Variants in DPP8 observed in about 807,000 individuals in gnomAD.
DPP8 encodes dipeptidyl peptidase 8.
DPP8 carries 31 observed loss-of-function variants against 107.5 expected under a neutral mutation model. That is an observed-to-expected ratio of 0.29 (90% confidence interval 0.22 to 0.39). DPP8 has a LOEUF of 0.39. Ranked by LOEUF, DPP8 falls within the 10% of genes least tolerant of loss-of-function variation. The pLI, the probability that DPP8 is intolerant of heterozygous loss-of-function variation, is 1.00. For synonymous variants in DPP8, 381 were observed against 356.6 expected, an observed-to-expected ratio of 1.07 and a Z score of -0.77; for missense variants, 842 against 1,076.1, an observed-to-expected ratio of 0.78 and a Z score of 3.04.
chr15:65,489,928 A>G (rs183608918), intron 6 of DPP8, among the ~76,000 whole-genome samples: 91 of 152,096 alleles, frequency 6.0e-4, no homozygotes, highest in African/African-American at 2.0e-3. Context: ...CATGTTAGCC[A>G]GGCTGGTCTC....
intron 12 of DPP8, 61 bp from the exon 13 acceptor site, chr15:65,467,284 C>G (rs2065445103): frequency 6.5e-7 from 1 of 1,549,852 alleles, no homozygotes; most frequent in Non-Finnish European, 8.9e-7. Flanking sequence ...AGCTAACCCC[C>G]AATTTTATTT....
intron 14 of DPP8, among the ~76,000 whole-genome samples, chr15:65,464,238 C>G (rs1028031594): frequency 1.3e-5 from 2 of 152,270 alleles, no homozygotes; most frequent in African/African-American, 4.8e-5. Flanking sequence ...TGGCAGGCGC[C>G]TGTAGCCCCA....
At chr15:65,481,763 A>C (rs2066947051) in intron 8 of DPP8, 148 bp from the exon 9 acceptor site, 2 of 505,748 alleles carry the variant, frequency 4.0e-6, no homozygotes, top group Admixed American at 8.5e-5. Flanking sequence ...GCAAATCTAG[A>C]AGTAAATTCT....
At chr15:65,491,167 A>C (rs2067996402) in intron 5 of DPP8, among the ~76,000 whole-genome samples, 1 of 151,642 alleles carries the variant, frequency 6.6e-6, no homozygotes, top group Non-Finnish European at 1.5e-5. Context: ...TCTCAAAAAA[A>C]AAAAAAAAAA....
chr15:65,475,398 G>C, intron 11 of DPP8: 1 of 1,557,212 alleles, frequency 6.4e-7, no homozygotes, highest in Non-Finnish European at 8.8e-7. Context: ...GCCACTGTGA[G>C]GGGTACAGCT....
rs1269330803 is a variant in DPP8 at position 65,444,472 on chromosome 15, G to A, written c.*2412C>T. 6.6e-6 allele frequency: 1 copy of A among 152,170 alleles called. No individual in the cohort carries two copies. The highest frequency in any genetic ancestry group is 2.4e-5 in the African/African-American group (1 of 41,440). The allele number at this position is 152,170 out of a possible 1,614,324, so 9.4% of individuals were successfully genotyped here. On this transcript the variant is annotated 3_prime_UTR_variant, in exon 20 of 20. Transcript: ENST00000300141. ...CCGTTTAAGCTGTTACCCATACTCA[G>A]GGGGTACAAACTTTTAGTGAGATTT...
intron 3 of DPP8, among the ~76,000 whole-genome samples, chr15:65,503,049 T>G (rs1268101495): frequency 6.6e-6 from 1 of 152,126 alleles, no homozygotes; most frequent in Non-Finnish European, 1.5e-5. Flanking sequence ...CCTAGTAATA[T>G]TCATACAGAA....
intron 3 of DPP8, among the ~76,000 whole-genome samples, chr15:65,501,917 T>C (rs919703263): frequency 2.1e-4 from 32 of 152,220 alleles, no homozygotes; most frequent in Non-Finnish European, 4.0e-4. Context: ...GAGACAAAAC[T>C]CTCACTCTGT....
rs1477515630 is a variant in DPP8, at chr15:65,481,538, A to G, written c.1095T>C (p.Ala365=). 1.9e-6 allele frequency: 3 copies of G among 1,587,686 alleles called. No individual in the cohort carries two copies. Among genetic ancestry groups the G allele is most frequent in the South Asian group, 2.3e-5 (2 of 85,960 alleles). ...LFEGVEYIAR[A]GWTPEGKYAW... is the part of the protein sequence containing the mutation. ...ACTATTTTCCCTCAGGAGTCCATCC[A>G]GCTCTGGCAATATATTCAACTCCTT... The change falls in exon 9 of 20, where the codon GCT becomes GCC. Residue 365 remains alanine, a synonymous_variant. Transcript: ENST00000300141.
rs545807406 is a variant in DPP8, at chr15:65,490,925, C to T, written c.716-626G>A. On this transcript the variant is annotated intron_variant, in intron 5 of 19. Transcript: ENST00000300141. ...CTGTAATCCCAGCACTTTGGGAGGC[C>T]GAGGAGGACAGATCACAAGGTCAGG... 5.3e-5 allele frequency among the ~76,000 whole-genome samples: 8 copies of T among 151,936 alleles called. No individual in the cohort carries two copies. The East Asian group carries it at 1.5e-3, about 29-fold the overall frequency.
chr15:65,498,151 G>A (rs2068794970), intron 4 of DPP8, 119 bp from the exon 5 acceptor site: 2 of 731,086 alleles, frequency 2.7e-6, no homozygotes, highest in Non-Finnish European at 4.0e-6. Context: ...GCCGGGCGTG[G>A]TGACTTACGC....
At chr15:65,479,208 T>C (rs1443482870) in intron 10 of DPP8, among the ~76,000 whole-genome samples, 169 bp from the exon 11 acceptor site, 1 of 152,226 alleles carries the variant, frequency 6.6e-6, no homozygotes, top group African/African-American at 2.4e-5. Flanking sequence ...CTTTCAGATT[T>C]ATTTTACTTT....
At chr15:65,516,131 C>A (rs1035712847) in intron 1 of DPP8, 1 of 239,150 alleles carries the variant, frequency 4.2e-6, no homozygotes, top group Non-Finnish European at 7.9e-6. Context: ...TCATCAAAAA[C>A]GGCATATGAT....
chr15:65,450,348 C>T (rs1220033903), intron 19 of DPP8, among the ~76,000 whole-genome samples: 1 of 152,094 alleles, frequency 6.6e-6, no homozygotes, highest in Non-Finnish European at 1.5e-5. Flanking sequence ...ATATAATTGA[C>T]ATAAACAAAG....
chr15:65,470,288 CTT>C (rs1000008225), intron 12 of DPP8, among the ~76,000 whole-genome samples: 1 of 146,616 alleles, frequency 6.8e-6, no homozygotes, highest in Non-Finnish European at 1.5e-5. Context: ...AAAAAGGTAA[CTT>C]AAGTCAAAAA....
chr15:65,477,428 T>C (rs934964680), intron 11 of DPP8, among the ~76,000 whole-genome samples: 1 of 151,686 alleles, frequency 6.6e-6, no homozygotes, highest in African/African-American at 2.4e-5. Context: ...ATTTAAAAAA[T>C]GTATATATAT....
At chr15:65,484,327 A>G (rs1427160438) in intron 8 of DPP8, among the ~76,000 whole-genome samples, 1 of 147,126 alleles carries the variant, frequency 6.8e-6, no homozygotes, top group African/African-American at 2.5e-5. Context: ...CTCTGTCTCA[A>G]AAAAAAAAAA....
chr15:65,488,400 A>G (rs1271998737), intron 6 of DPP8, among the ~76,000 whole-genome samples: 1 of 151,942 alleles, frequency 6.6e-6, no homozygotes, highest in East Asian at 1.9e-4. Flanking sequence ...AAAATACAAC[A>G]CACAAACCAC....
intron 15 of DPP8, chr15:65,459,612 G>T (rs1220326022): frequency 6.6e-6 from 1 of 152,052 alleles, no homozygotes; most frequent in African/African-American, 2.4e-5. Flanking sequence ...TGACTGTTCG[G>T]TAAGTGCAAA....
Sources: allele counts gnomAD v4.1 joint callset (sites outside exome capture counted in the v4.1 genomes callset), GRCh38; gene constraint gnomAD v4.1.1; transcripts MANE v1.5; gene names NCBI Gene and HGNC (gene_info 2026-07-23, HGNC 2026-07-21).